TBC1D22A: variants seen among roughly 807,000 people sequenced by gnomAD.
TBC1D22A encodes the protein TBC1 domain family member 22A.
In TBC1D22A, 38 loss-of-function variants were observed where a neutral mutation model predicts 60.2. The ratio of observed to expected loss-of-function variants is 0.63; its 90% CI spans 0.49 to 0.83. TBC1D22A has a LOEUF of 0.83. Ranked by LOEUF, TBC1D22A falls within the 40% of genes least tolerant of loss-of-function variation. The probability of loss-of-function intolerance (pLI) is 0.00; values close to 1 mark genes in which losing one functional copy is unlikely to be tolerated. For synonymous variants in TBC1D22A, 302 were observed against 281.7 expected (o/e 1.07, Z -0.72); for missense variants, 628 against 701.0 (o/e 0.90, Z 1.18).
At chr22:46,826,707 A>C (rs113025363) in intron 4 of TBC1D22A, among the ~76,000 whole-genome samples, 1 of 152,134 alleles carries the variant, frequency 6.6e-6, no homozygotes, top group Non-Finnish European at 1.5e-5. Context: ...CTTGAGTGCT[A>C]TGGTCCTACA....
At chr22:46,818,869 A>C (rs192437583) in intron 4 of TBC1D22A, among the ~76,000 whole-genome samples, 18 of 143,848 alleles carry the variant, frequency 1.3e-4, no homozygotes, top group Non-Finnish European at 2.3e-4. Flanking sequence ...ATTGATGAGG[A>C]TGGAATGTGT....
chr22:47,055,874 A>ATGAGATACACCACTGAGGGTCGG (rs1569397715), intron 11 of TBC1D22A, among the ~76,000 whole-genome samples: 11 of 93,858 alleles, frequency 1.2e-4, no homozygotes, highest in East Asian at 8.3e-4. Flanking sequence ...CGGAGGGTTG[A>ATGAGATACACCACTGAGGGTCGG]TGAGATACGC....
Position 47,159,195 on chromosome 22 carries a change from GCA to G in TBC1D22A, c.1426-14295_1426-14294del, listed in dbSNP as rs1291827843. ...ATACTACACACACAACACACACCAC[GCA>G]CACACACCATACACCATGTATGCAC... On this transcript the variant is annotated intron_variant, in intron 12 of 12. Transcript: ENST00000337137. 5.9e-5 allele frequency among the ~76,000 whole-genome samples: 8 copies of G among 135,888 alleles called. No homozygotes were observed. In the East Asian group the frequency reaches 1.3e-3, roughly 23 times the overall value. The allele number at this position is 135,888 out of a possible 152,430, so 89.1% of individuals were successfully genotyped here. A position where few individuals can be genotyped will look rare whatever the true frequency, so the allele number is the denominator to read the frequency against.
chr22:46,801,183 A>G (rs2084880722), intron 4 of TBC1D22A, among the ~76,000 whole-genome samples: 2 of 152,294 alleles, frequency 1.3e-5, no homozygotes, highest in South Asian at 2.1e-4. Context: ...AGCTAAATGC[A>G]GAGCTTTCAA....
At chr22:46,840,606 G>A (rs1052372060) in intron 4 of TBC1D22A, among the ~76,000 whole-genome samples, 7 of 152,154 alleles carry the variant, frequency 4.6e-5, no homozygotes, top group South Asian at 2.1e-4. Flanking sequence ...GGTAGTGTGC[G>A]CCTGTAGTCC....
intron 8 of TBC1D22A, among the ~76,000 whole-genome samples, chr22:46,946,746 C>G (rs1026398847): frequency 6.6e-6 from 1 of 152,198 alleles, no homozygotes; most frequent in Admixed American, 6.5e-5. Flanking sequence ...CAAGTCTGTG[C>G]TACCTGGAAT....
At chr22:46,921,089 T>C (rs1302023777) in intron 8 of TBC1D22A, among the ~76,000 whole-genome samples, 1 of 152,194 alleles carries the variant, frequency 6.6e-6, no homozygotes, top group Non-Finnish European at 1.5e-5. Context: ...GTTATTATTT[T>C]TTAACTTTTA....
Position 46,891,242 on chromosome 22 carries a change from A to AT in TBC1D22A, c.709-18dup, listed in dbSNP as rs750454217. The AT allele has an allele frequency of 5.0e-6, 8 of 1,592,516 alleles. No homozygotes were observed. In the African/African-American group the frequency reaches 6.8e-5, roughly 14 times the overall value. On this transcript the variant is annotated intron_variant, in intron 5 of 12. Transcript: ENST00000337137. ...CCATGAATTAGCTATAACCATGTAT[A>AT]TTTTTTGTTTATTTCTCACCCAGGG...
rs1035758646 is a variant in TBC1D22A at position 47,173,632 on chromosome 22, G to T, written c.*6G>T. On this transcript the variant is annotated 3_prime_UTR_variant, in exon 13 of 13. Coordinates refer to ENST00000337137, the MANE Select transcript of TBC1D22A (RefSeq NM_014346.5). The stretch of plus-strand genomic sequence containing the variant: ...CCAATCACTACAAGAAATGAGCCCA[G>T]GCCCACCCGCAGCTGGCCTCACTGT... The T allele has an allele frequency of 1.9e-6, 3 of 1,613,470 alleles. No individual in the cohort carries two copies. The highest frequency in any genetic ancestry group is 1.7e-6 in the Non-Finnish European group (2 of 1,179,724).
chr22:47,138,855 G>A (rs992511968), intron 12 of TBC1D22A, among the ~76,000 whole-genome samples: 3 of 152,178 alleles, frequency 2.0e-5, no homozygotes, highest in Non-Finnish European at 4.4e-5. Context: ...GGGGCCTCTC[G>A]GCGTCTCCTT....
At chr22:46,780,921 T>C (rs1569021806) in intron 1 of TBC1D22A, among the ~76,000 whole-genome samples, 1 of 152,182 alleles carries the variant, frequency 6.6e-6, no homozygotes, top group Non-Finnish European at 1.5e-5. Context: ...TGGATTTTAG[T>C]ATTTTGTTTA....
intron 5 of TBC1D22A, among the ~76,000 whole-genome samples, chr22:46,881,159 G>A (rs951261084): frequency 6.6e-6 from 1 of 152,120 alleles, no homozygotes; most frequent in Non-Finnish European, 1.5e-5. Flanking sequence ...CATTGCTTGG[G>A]TTTTATTCTG....
Position 47,075,222 on chromosome 22 carries a change from CA to C in TBC1D22A, c.1330-36272del, listed in dbSNP as rs386395628. ...TGGGCGACAGAGCGAGATTCCGTCTCAAAAAAAAAAAAAAGAGAACCAAAGT... is the reference window on the plus strand; with the variant it reads ...TGGGCGACAGAGCGAGATTCCGTCTCAAAAAAAAAAAAAGAGAACCAAAGT... On this transcript the variant is annotated intron_variant, in intron 11 of 12. Coordinates refer to ENST00000337137, the MANE Select transcript of TBC1D22A (RefSeq NM_014346.5). 1.5e-3 allele frequency among the ~76,000 whole-genome samples: 166 copies of C among 114,028 alleles called. 2 individuals carry two copies. Among genetic ancestry groups the C allele is most frequent in the African/African-American group, 2.0e-3 (57 of 28,396 alleles). 74.8% of individuals were successfully genotyped at this position (114,028 alleles called of 152,430 possible).
At chr22:46,889,618 T>C (rs2068292058) in intron 5 of TBC1D22A, among the ~76,000 whole-genome samples, 1 of 152,186 alleles carries the variant, frequency 6.6e-6, no homozygotes, top group South Asian at 2.1e-4. Flanking sequence ...CAGGCGAATC[T>C]TTAACAAACT....
chr22:47,044,657 C>A (rs904682976), intron 11 of TBC1D22A, among the ~76,000 whole-genome samples: 4 of 152,178 alleles, frequency 2.6e-5, no homozygotes, highest in African/African-American at 9.7e-5. Context: ...AGGAAGTAGG[C>A]ATAGATCACT....
chr22:46,970,003 G>A (rs2073983418), intron 8 of TBC1D22A, among the ~76,000 whole-genome samples: 1 of 152,112 alleles, frequency 6.6e-6, no homozygotes. Flanking sequence ...GCCCATCTCT[G>A]TCATGGCTCC....
intron 10 of TBC1D22A, among the ~76,000 whole-genome samples, chr22:47,011,051 C>T (rs1246075408): frequency 6.6e-6 from 1 of 152,148 alleles, no homozygotes; most frequent in Non-Finnish European, 1.5e-5. Flanking sequence ...TTCATAACAG[C>T]CCCATCAACT....
At chr22:46,979,938 C>T (rs2074447921) in intron 9 of TBC1D22A, among the ~76,000 whole-genome samples, 1 of 151,996 alleles carries the variant, frequency 6.6e-6, no homozygotes, top group Non-Finnish European at 1.5e-5. Flanking sequence ...TGCCACAGGC[C>T]TGTGGCATTC....
intron 11 of TBC1D22A, among the ~76,000 whole-genome samples, chr22:47,046,649 G>A (rs902673630): frequency 3.3e-5 from 5 of 152,208 alleles, no homozygotes; most frequent in South Asian, 4.1e-4. Flanking sequence ...GAAAGAATAG[G>A]GCTGAACACG....
Sources: gnomAD v4.1 joint callset for allele counts (sites outside exome capture counted in the v4.1 genomes callset) on GRCh38, gnomAD v4.1.1 for gene constraint, MANE v1.5 for transcripts, NCBI Gene and HGNC (gene_info 2026-07-23, HGNC 2026-07-21) for gene names.